The following CACNA1A variants were observed in gnomAD, a reference collection of about 807,000 sequenced individuals.
CACNA1A encodes the protein voltage-dependent P/Q-type calcium channel subunit alpha-1A.
Under a neutral mutation model 262.4 loss-of-function variants are expected in CACNA1A, and 57 were observed. The ratio of observed to expected loss-of-function variants is 0.22; its 90% CI spans 0.18 to 0.27. The LOEUF (loss-of-function observed/expected upper bound fraction) is 0.27. CACNA1A is among the 10% of genes least tolerant of loss of function. CACNA1A has a pLI of 1.00. For missense variants in CACNA1A, 2,526 were observed against 3,562.8 expected (o/e 0.71, Z 7.41); for synonymous variants, 1,431 against 1,419.3 (o/e 1.01, Z -0.18).
At chr19:13,383,268 C>T (rs962618718) in intron 3 of CACNA1A, among the ~76,000 whole-genome samples, 4 of 152,070 alleles carry the variant, frequency 2.6e-5, no homozygotes, top group African/African-American at 9.7e-5. Flanking sequence ...CTAGGGCTTC[C>T]AATGGAAAGA....
At chr19:13,477,231 G>A (rs938335038) in intron 1 of CACNA1A, among the ~76,000 whole-genome samples, 1 of 152,136 alleles carries the variant, frequency 6.6e-6, no homozygotes, top group Non-Finnish European at 1.5e-5. Context: ...CCATCGCCTC[G>A]ATAAAGCTCT....
intron 3 of CACNA1A, among the ~76,000 whole-genome samples, chr19:13,416,628 A>G (rs1286717003): frequency 1.3e-5 from 2 of 152,092 alleles, no homozygotes; most frequent in African/African-American, 2.4e-5. Flanking sequence ...AGCCTGGCCG[A>G]CATGGTAAAA....
At chr19:13,378,782 C>G (rs897670283) in intron 3 of CACNA1A, among the ~76,000 whole-genome samples, 3 of 151,872 alleles carry the variant, frequency 2.0e-5, no homozygotes, top group Non-Finnish European at 4.4e-5. Context: ...ATTCTCGTGC[C>G]TCAGCCTCCC....
chr19:13,324,500 G>C (rs1277176235), intron 10 of CACNA1A, among the ~76,000 whole-genome samples: 2 of 152,142 alleles, frequency 1.3e-5, no homozygotes, highest in Non-Finnish European at 1.5e-5. Context: ...TAATTAGCAT[G>C]ACTGAATCAT....
At position 13,317,303 on chromosome 19, in the gene CACNA1A, G is replaced by A. The variant is rs1406873947; in HGVS notation, c.1364C>T (p.Ala455Val). The A allele has an allele frequency of 1.2e-6, 2 of 1,605,816 alleles. No homozygotes were observed. The highest frequency in any genetic ancestry group is 8.5e-7 in the Non-Finnish European group (1 of 1,173,076). Residue 455 changes from alanine (A) to valine (V), a missense_variant, in exon 11 of 47, where the codon GCC becomes GTC. Ala to Val is a moderately conservative substitution (Grantham distance 64, BLOSUM62 0). Transcript: ENST00000360228. ...CTCCAGCTTGGCACTTTTAATGCTG[G>A]CTCGGGCGAAGGGAGAACCTGCCAG... Reference protein sequence around the residue: ...IASVGSPFARASIKSAKLENS... With the variant: ...IASVGSPFARVSIKSAKLENS...
In CACNA1A at chr19:13,227,539, G is replaced by T; in HGVS notation, c.5529-12C>A. On this transcript the variant is annotated splice_polypyrimidine_tract_variant and intron_variant, in intron 36 of 46. Transcript: ENST00000360228. The stretch of plus-strand genomic sequence containing the variant: ...AAGGCATGCGGCCCCTGGCAGCACC[G>T]AAAATGAAAAAAACAAAAACAAAAA... 1.3e-6 allele frequency: 2 copies of T among 1,502,136 alleles called. No homozygotes were observed. Among genetic ancestry groups the T allele is most frequent in the Non-Finnish European group, 1.8e-6 (2 of 1,110,218 alleles). 93.1% of individuals were successfully genotyped at this position (1,502,136 alleles called of 1,614,324 possible). A position where few individuals can be genotyped will look rare whatever the true frequency, so the allele number is the denominator to read the frequency against.
intron 3 of CACNA1A, among the ~76,000 whole-genome samples, chr19:13,415,049 T>C (rs538888901): frequency 1.5e-4 from 23 of 152,150 alleles, no homozygotes; most frequent in Non-Finnish European, 3.2e-4. Context: ...ATTGGGGGAC[T>C]TTCCCAAAGC....
At chr19:13,424,240 G>A (rs748476964) in intron 3 of CACNA1A, among the ~76,000 whole-genome samples, 3 of 152,064 alleles carry the variant, frequency 2.0e-5, no homozygotes, top group East Asian at 1.9e-4. Flanking sequence ...GTGGTGGCAC[G>A]TGCCTGTAAT....
chr19:13,234,291 A>T (rs939803034), intron 34 of CACNA1A, among the ~76,000 whole-genome samples: 2 of 134,540 alleles, frequency 1.5e-5, no homozygotes, highest in Non-Finnish European at 3.1e-5. Flanking sequence ...CGGAGCTTGC[A>T]GTGAGCCGAG....
chr19:13,408,118 T>G (rs574028981), intron 3 of CACNA1A, among the ~76,000 whole-genome samples: 315 of 152,270 alleles, frequency 2.1e-3, no homozygotes, highest in Non-Finnish European at 2.5e-3. Flanking sequence ...CTCTTTTCTT[T>G]ATAAACTACT....
chr19:13,255,158 A>G lies in CACNA1A; in HGVS notation c.4692T>C (p.Ser1564=). The G allele has an allele frequency of 6.2e-7, 1 of 1,613,860 alleles. No homozygotes were observed. The highest frequency in any genetic ancestry group is 8.5e-7 in the Non-Finnish European group (1 of 1,179,858). ...FQYRMWQFVV[S]PPFEYTIMAM... is the part of the protein sequence containing the mutation. Reference sequence around the variant, plus strand: ...CCATGATCGTGTACTCGAAAGGCGGAGACACCACGAACTGCCACATGCGGT... The same window carrying G: ...CCATGATCGTGTACTCGAAAGGCGGGGACACCACGAACTGCCACATGCGGT... The change falls in exon 29 of 47, where the codon TCT becomes TCC. Residue 1564 remains serine, a synonymous_variant. Coordinates refer to ENST00000360228, the MANE Select transcript of CACNA1A (RefSeq NM_001127222.2).
chr19:13,270,445 G>C (rs2056989515), intron 24 of CACNA1A, among the ~76,000 whole-genome samples: 1 of 151,808 alleles, frequency 6.6e-6, no homozygotes, highest in Admixed American at 6.6e-5. Flanking sequence ...CAGCGCTCAG[G>C]CTGAGAACCT....
At chr19:13,222,461 G>A (rs1447509315) in intron 38 of CACNA1A, among the ~76,000 whole-genome samples, 3 of 139,160 alleles carry the variant, frequency 2.2e-5, no homozygotes, top group Admixed American at 7.5e-5. Flanking sequence ...AGTGGCACAA[G>A]CTCGGCTCGC....
chr19:13,281,656 C>G (rs916152971), intron 22 of CACNA1A, among the ~76,000 whole-genome samples: 13 of 151,896 alleles, frequency 8.6e-5, no homozygotes, highest in African/African-American at 2.9e-4. Flanking sequence ...CCCAGCAGCT[C>G]TAGAGGGAAA....
intron 5 of CACNA1A, 162 bp downstream of exon 5, chr19:13,365,155 G>T: frequency 1.8e-6 from 1 of 555,054 alleles, no homozygotes; most frequent in Non-Finnish European, 3.2e-6. Context: ...CAACAGCTAA[G>T]ATCTCAGAGG....
chr19:13,462,039 G>A (rs1181407859), intron 1 of CACNA1A, among the ~76,000 whole-genome samples: 1 of 152,194 alleles, frequency 6.6e-6, no homozygotes, highest in African/African-American at 2.4e-5. Context: ...AAGAAGGAGG[G>A]CTTGCATCTG....
chr19:13,417,583 A>G (rs1474105040), intron 3 of CACNA1A, among the ~76,000 whole-genome samples: 5 of 152,144 alleles, frequency 3.3e-5, no homozygotes, highest in African/African-American at 1.2e-4. Flanking sequence ...ATTTCAGCAC[A>G]AGGAGTTAAA....
At chr19:13,348,320 A>G (rs966330731) in intron 6 of CACNA1A, among the ~76,000 whole-genome samples, 1 of 152,042 alleles carries the variant, frequency 6.6e-6, no homozygotes, top group African/African-American at 2.4e-5. Flanking sequence ...AGAAACTCAC[A>G]GAGAAAAGCA....
At chr19:13,268,376 C>A (rs1421311129) in intron 24 of CACNA1A, among the ~76,000 whole-genome samples, 1 of 152,068 alleles carries the variant, frequency 6.6e-6, no homozygotes, top group African/African-American at 2.4e-5. Context: ...TGGCGGAAAC[C>A]CTGTCGCCAA....
Sources: allele counts gnomAD v4.1 joint callset (sites outside exome capture counted in the v4.1 genomes callset), GRCh38; gene constraint gnomAD v4.1.1; transcripts MANE v1.5; gene names NCBI Gene and HGNC (gene_info 2026-07-23, HGNC 2026-07-21).